Variants in MGRN1 observed in about 807,000 individuals in gnomAD.
The protein encoded by MGRN1 is mahogunin ring finger 1.
A neutral mutation model predicts 69.2 loss-of-function variants in MGRN1; 29 were observed. The observed-to-expected ratio is 0.42, with a 90% confidence interval of 0.31 to 0.57. MGRN1 has a LOEUF of 0.57. Among genes scored for constraint, MGRN1 ranks in the 20% least tolerant of loss-of-function variants. MGRN1 has a pLI of 0.15. For synonymous variants in MGRN1, 470 were observed against 344.2 expected, an observed-to-expected ratio of 1.37 and a Z score of -4.04; for missense variants, 998 against 796.2, an observed-to-expected ratio of 1.25 and a Z score of -3.05.
intron 12 of MGRN1, 76 bp downstream of exon 12, chr16:4,680,173 G>C (rs996312818): frequency 4.1e-5 from 58 of 1,421,230 alleles, no homozygotes; most frequent in Non-Finnish European, 9.8e-6. Flanking sequence ...AGGGGAGATC[G>C]TTTCCGCCCC....
rs1157518931 is a variant in MGRN1 at position 4,657,738 on chromosome 16, C to CTTT, written c.561+400_561+402dup. Among the ~76,000 whole-genome samples the CTTT allele has an allele frequency of 2.0e-3, 151 of 77,054 alleles. 15 individuals are homozygous for CTTT. Among genetic ancestry groups the CTTT allele is most frequent in the African/African-American group, 2.6e-3 (45 of 17,354 alleles). 50.6% of individuals were successfully genotyped at this position (77,054 alleles called of 152,430 possible). ...TGTTTAAAATCTTGGTGCAGACATC[C>CTTT]TTTTTTTTTTTTTTTTTTTTTTTTT... On this transcript the variant is annotated intron_variant, in intron 5 of 16. Coordinates refer to ENST00000262370, the MANE Select transcript of MGRN1 (RefSeq NM_015246.4).
At chr16:4,643,643 A>G (rs2078210694) in intron 1 of MGRN1, among the ~76,000 whole-genome samples, 1 of 152,080 alleles carries the variant, frequency 6.6e-6, no homozygotes, top group African/African-American at 2.4e-5. Flanking sequence ...AAGTGCTGGG[A>G]TTACACGCGT....
intron 7 of MGRN1, among the ~76,000 whole-genome samples, chr16:4,665,598 A>G (rs1202826099): frequency 2.7e-5 from 4 of 148,858 alleles, no homozygotes; most frequent in Non-Finnish European, 5.9e-5. Flanking sequence ...CAAACTCCTG[A>G]CCTCAAGTGA....
chr16:4,670,794 C>T (rs1027093937), intron 8 of MGRN1, among the ~76,000 whole-genome samples: 1 of 152,228 alleles, frequency 6.6e-6, no homozygotes, highest in Non-Finnish European at 1.5e-5. Context: ...ATGGTCAGGG[C>T]CTTGTGTTGA....
chr16:4,672,183 C>T (rs1005561494), intron 9 of MGRN1, among the ~76,000 whole-genome samples: 2 of 152,284 alleles, frequency 1.3e-5, no homozygotes, highest in East Asian at 1.9e-4. Context: ...GGATTACAGG[C>T]GTGAACCACC....
intron 7 of MGRN1, among the ~76,000 whole-genome samples, chr16:4,666,728 G>C (rs1419148900): frequency 1.3e-5 from 2 of 152,170 alleles, no homozygotes; most frequent in African/African-American, 4.8e-5. Context: ...CTCTGACCCT[G>C]CAGGCTGGGC....
chr16:4,663,839 G>A (rs982243344), intron 5 of MGRN1, among the ~76,000 whole-genome samples: 8 of 152,248 alleles, frequency 5.3e-5, no homozygotes, highest in Non-Finnish European at 7.3e-5. Context: ...CCTGGGGGCC[G>A]TGGGGAAGAG....
chr16:4,630,030 A>G (rs1469027169), intron 1 of MGRN1, among the ~76,000 whole-genome samples: 1 of 148,272 alleles, frequency 6.7e-6, no homozygotes, highest in Non-Finnish European at 1.5e-5. Flanking sequence ...AGCCTGGGCA[A>G]ACAGTGAGAC....
chr16:4,648,922 C>T (rs540043411), intron 1 of MGRN1, among the ~76,000 whole-genome samples: 2 of 152,238 alleles, frequency 1.3e-5, no homozygotes, highest in Admixed American at 1.3e-4. Context: ...GGGACTCTTC[C>T]CGTGGTCACC....
intron 8 of MGRN1, among the ~76,000 whole-genome samples, chr16:4,670,743 CCAGGTCCCTG>C (rs200724103): frequency 0.028 from 4,208 of 152,290 alleles, 93 homozygotes; most frequent in African/African-American, 0.047. Flanking sequence ...TCTAGCAGGT[CCAGGTCCCTG>C]CAGGTACCAG....
At chr16:4,677,672 C>T (rs1445943447) in intron 11 of MGRN1, 100 bp downstream of exon 11, 2 of 1,168,250 alleles carry the variant, frequency 1.7e-6, no homozygotes, top group Non-Finnish European at 1.2e-6. Context: ...CCCGTGTTCT[C>T]TTCTGTCCAG....
rs910807977 is a variant in MGRN1, at chr16:4,690,286, C to T, written c.*1378C>T. Reference sequence around the variant, plus strand: ...AAGGGAGTGCCTGGGCCTGGTGACCCAGGGCTGGATCCACCCCTGCGGAGC... The same window carrying T: ...AAGGGAGTGCCTGGGCCTGGTGACCTAGGGCTGGATCCACCCCTGCGGAGC... On this transcript the variant is annotated 3_prime_UTR_variant, in exon 17 of 17. Transcript: ENST00000262370. The T allele has an allele frequency of 6.6e-6, 1 of 152,238 alleles. No individual in the cohort carries two copies. The highest frequency in any genetic ancestry group is 1.9e-4 in the East Asian group (1 of 5,162). 9.4% of individuals were successfully genotyped at this position (152,238 alleles called of 1,614,324 possible). A position where few individuals can be genotyped will look rare whatever the true frequency, so the allele number is the denominator to read the frequency against.
chr16:4,660,453 C>T (rs2078651328), intron 5 of MGRN1, among the ~76,000 whole-genome samples: 1 of 152,196 alleles, frequency 6.6e-6, no homozygotes, highest in Admixed American at 6.5e-5. Context: ...ACCAGTAAAG[C>T]ACTGTCAGCA....
chr16:4,669,870 G>T (rs530408982), intron 8 of MGRN1, among the ~76,000 whole-genome samples: 171 of 152,240 alleles, frequency 1.1e-3, no homozygotes, highest in Non-Finnish European at 2.0e-3. Flanking sequence ...GGCCTCACAA[G>T]TAGGCACCGA....
Position 4,677,573 on chromosome 16 carries a change from G to C in MGRN1, c.1065+1G>C. On this transcript the variant is annotated splice_donor_variant, in intron 11 of 16. Transcript: ENST00000262370. LOFTEE classifies it high-confidence loss of function. ...GAGCCTGGAGCATGATGAGCACTCT[G>C]TAAGTGCCGCCTCCTGCCTGCGGGA... The C allele has an allele frequency of 6.3e-7, 1 of 1,599,312 alleles. No individual in the cohort carries two copies. The highest frequency in any genetic ancestry group is 8.5e-7 in the Non-Finnish European group (1 of 1,179,402).
At chr16:4,663,264 A>C (rs1384487743) in intron 5 of MGRN1, among the ~76,000 whole-genome samples, 1 of 150,456 alleles carries the variant, frequency 6.6e-6, no homozygotes, top group Non-Finnish European at 1.5e-5. Flanking sequence ...GGGTTTCACC[A>C]TATTGGCCAG....
chr16:4,670,706 A>C (rs1376577160), intron 8 of MGRN1, among the ~76,000 whole-genome samples: 1 of 152,218 alleles, frequency 6.6e-6, no homozygotes, highest in Non-Finnish European at 1.5e-5. Flanking sequence ...TGTAAATCAC[A>C]ATAAACAAAA....
rs766937217 is a variant in MGRN1 at position 4,624,950 on chromosome 16, C to G, written c.-11C>G. ...CGGCCCTGGCCCCTCTGCCCGGCAGCGCCGCGCACCATGGGCTCCATTCTC... is the reference window on the plus strand; with the variant it reads ...CGGCCCTGGCCCCTCTGCCCGGCAGGGCCGCGCACCATGGGCTCCATTCTC... On this transcript the variant is annotated 5_prime_UTR_variant, in exon 1 of 17. Transcript: ENST00000262370. 3 of 1,535,894 alleles carry G rather than the reference C, an allele frequency of 2.0e-6. No homozygotes were observed. Among genetic ancestry groups the G allele is most frequent in the African/African-American group, 2.9e-5 (2 of 69,948 alleles).
At chr16:4,672,805 A>G (rs1231996721) in intron 9 of MGRN1, among the ~76,000 whole-genome samples, 4 of 152,156 alleles carry the variant, frequency 2.6e-5, no homozygotes, top group Non-Finnish European at 5.9e-5. Context: ...CATTAATGAA[A>G]ATACTTCTAA....
Sources: allele counts gnomAD v4.1 joint callset (sites outside exome capture counted in the v4.1 genomes callset), GRCh38; gene constraint gnomAD v4.1.1; transcripts MANE v1.5; gene names NCBI Gene and HGNC (gene_info 2026-07-23, HGNC 2026-07-21).